Variants in SUMF1 observed in about 807,000 individuals in gnomAD.
The protein encoded by SUMF1 is formylglycine-generating enzyme.
A neutral mutation model predicts 47.6 loss-of-function variants in SUMF1; 48 were observed. The ratio of observed to expected loss-of-function variants is 1.01; its 90% CI spans 0.80 to 1.28. SUMF1 has a LOEUF of 1.28. SUMF1 is among the 50% of genes most tolerant of loss of function. The pLI is 0.00. For synonymous variants in SUMF1, 230 were observed against 192.1 expected (o/e 1.20, Z -1.63); for missense variants, 571 against 485.4 (o/e 1.18, Z -1.66).
At chr3:4,078,757 A>G (rs1388797347) in intron 8 of SUMF1, among the ~76,000 whole-genome samples, 2 of 151,972 alleles carry the variant, frequency 1.3e-5, no homozygotes, top group Non-Finnish European at 2.9e-5. Context: ...AAAAAAATCA[A>G]AAAAAGTTTT....
chr3:4,205,818 A>C (rs1695639224), intron 8 of SUMF1, among the ~76,000 whole-genome samples: 1 of 152,204 alleles, frequency 6.6e-6, no homozygotes, highest in South Asian at 2.1e-4. Flanking sequence ...GAGTTGGGGG[A>C]AAGGTGATGC....
intron 9 of SUMF1, among the ~76,000 whole-genome samples, chr3:4,063,177 G>A (rs1428736704): frequency 2.0e-5 from 3 of 152,182 alleles, no homozygotes; most frequent in East Asian, 3.9e-4. Flanking sequence ...CCAGTAGAGC[G>A]TTCAGGGCCT....
intron 8 of SUMF1, among the ~76,000 whole-genome samples, chr3:4,318,915 CAAAAA>C (rs921792683): frequency 6.6e-6 from 1 of 151,672 alleles, no homozygotes; most frequent in African/African-American, 2.4e-5. Context: ...CAAAAAAACA[CAAAAA>C]AAGCCGTAAA....
At chr3:4,350,138 T>C (rs1280482222) in intron 8 of SUMF1, among the ~76,000 whole-genome samples, 1 of 151,798 alleles carries the variant, frequency 6.6e-6, no homozygotes, top group East Asian at 1.9e-4. Context: ...GTAGCTGGGA[T>C]TACAGGCATG....
intron 8 of SUMF1, among the ~76,000 whole-genome samples, chr3:4,369,275 G>C (rs1339436653): frequency 1.3e-5 from 2 of 152,108 alleles, no homozygotes; most frequent in African/African-American, 4.8e-5. Flanking sequence ...GTAGACAAAA[G>C]GAAGATGAAT....
chr3:4,053,933 T>C (rs982987158), intron 9 of SUMF1, among the ~76,000 whole-genome samples: 1 of 152,182 alleles, frequency 6.6e-6, no homozygotes, highest in Non-Finnish European at 1.5e-5. Flanking sequence ...TTTATCATAA[T>C]TACTGGCTCT....
chr3:4,161,099 C>A (rs1296752230), intron 8 of SUMF1, among the ~76,000 whole-genome samples: 1 of 152,180 alleles, frequency 6.6e-6, no homozygotes, highest in Non-Finnish European at 1.5e-5. Context: ...CCTTGATGGT[C>A]TTAGGTAAGA....
At chr3:4,190,066 ACTTTTAGTT>A (rs1413938823) in intron 8 of SUMF1, among the ~76,000 whole-genome samples, 1 of 152,098 alleles carries the variant, frequency 6.6e-6, no homozygotes, top group Non-Finnish European at 1.5e-5. Context: ...ATCTATAAAG[ACTTTTAGTT>A]CTGCCATAGA....
chr3:4,085,767 G>A (rs1398095500), intron 8 of SUMF1, among the ~76,000 whole-genome samples: 2 of 151,934 alleles, frequency 1.3e-5, no homozygotes, highest in Admixed American at 6.6e-5. Context: ...ACAAACATGA[G>A]ACATGCAGTT....
chr3:4,253,716 G>C (rs13083988), intron 8 of SUMF1, among the ~76,000 whole-genome samples: 14,207 of 147,480 alleles, frequency 0.096, 926 homozygotes, highest in Non-Finnish European at 0.15. Flanking sequence ...GGCTTGATTA[G>C]GTAAACAAAG....
chr3:4,271,465 CTATAGATA>C (rs745955917), intron 8 of SUMF1, among the ~76,000 whole-genome samples: 38 of 136,016 alleles, frequency 2.8e-4, no homozygotes, highest in Non-Finnish European at 4.3e-4. Flanking sequence ...TTTATACTAT[CTATAGATA>C]GATAGATAGA....
At chr3:4,450,359 C>T (rs1702928155) in intron 2 of SUMF1, among the ~76,000 whole-genome samples, 1 of 152,168 alleles carries the variant, frequency 6.6e-6, no homozygotes, top group African/African-American at 2.4e-5. Context: ...CCTGTTCTTA[C>T]TAGATGAAAT....
chr3:4,211,969 G>A (rs1695808491), intron 8 of SUMF1, among the ~76,000 whole-genome samples: 1 of 152,196 alleles, frequency 6.6e-6, no homozygotes, highest in Non-Finnish European at 1.5e-5. Flanking sequence ...CCCAGGGACA[G>A]AGCACCTGGG....
At chr3:4,220,634 T>C (rs1348030239) in intron 8 of SUMF1, among the ~76,000 whole-genome samples, 2 of 152,110 alleles carry the variant, frequency 1.3e-5, no homozygotes, top group African/African-American at 4.8e-5. Context: ...ATCTTTCTCA[T>C]AGCAGATGCT....
At chr3:4,271,164 T>C (rs1697294571) in intron 8 of SUMF1, among the ~76,000 whole-genome samples, 1 of 152,188 alleles carries the variant, frequency 6.6e-6, no homozygotes, top group Non-Finnish European at 1.5e-5. Flanking sequence ...TTCATCAGGA[T>C]CTCAACAGTG....
intron 8 of SUMF1, among the ~76,000 whole-genome samples, chr3:4,343,782 T>C (rs890086163): frequency 6.6e-6 from 1 of 152,234 alleles, no homozygotes; most frequent in Admixed American, 6.5e-5. Context: ...TATGTTTTGA[T>C]GCAGCAGCTA....
intron 8 of SUMF1, among the ~76,000 whole-genome samples, chr3:4,232,721 G>A (rs1186004592): frequency 1.3e-5 from 2 of 151,630 alleles, no homozygotes; most frequent in African/African-American, 2.4e-5. Context: ...GGCAGTCCGG[G>A]GTATAGAAGA....
intron 8 of SUMF1, among the ~76,000 whole-genome samples, chr3:4,197,857 C>G (rs530805309): frequency 3.3e-5 from 5 of 152,228 alleles, no homozygotes; most frequent in Admixed American, 1.3e-4. Context: ...TGCTTCAACT[C>G]CAACTGTGAT....
At chr3:4,167,149 T>A (rs2120511) in intron 8 of SUMF1, among the ~76,000 whole-genome samples, 1 of 152,010 alleles carries the variant, frequency 6.6e-6, no homozygotes, top group Non-Finnish European at 1.5e-5. Context: ...CACGGGCCTC[T>A]GTGGTGAGTG....
Sources: gnomAD v4.1 joint callset for allele counts (sites outside exome capture counted in the v4.1 genomes callset) on GRCh38, gnomAD v4.1.1 for gene constraint, MANE v1.5 for transcripts, NCBI Gene and HGNC (gene_info 2026-07-23, HGNC 2026-07-21) for gene names.